The following TBC1D21 variants were observed in gnomAD, a reference collection of about 807,000 sequenced individuals.
The protein encoded by TBC1D21 is TBC1 domain family member 21, also known as male germ cell Rab GTPase-activating protein.
TBC1D21 carries 38 observed loss-of-function variants against 46.0 expected under a neutral mutation model. The observed-to-expected ratio is 0.83, with a 90% CI of 0.64 to 1.08. TBC1D21 has a LOEUF of 1.08. Among genes scored for constraint, TBC1D21 ranks in the 50% least tolerant of loss-of-function variants. The pLI, the probability that TBC1D21 is intolerant of heterozygous loss-of-function variation, is 0.00. For synonymous variants in TBC1D21, 151 were observed against 157.2 expected (o/e 0.96, Z 0.29); for missense variants, 415 against 417.9 (o/e 0.99, Z 0.06).
At chr15:73,873,855 G>T in intron 1 of TBC1D21, 86 bp downstream of exon 1, 1 of 1,467,398 alleles carries the variant, frequency 6.8e-7, no homozygotes, top group South Asian at 1.2e-5. Context: ...GGTAGGAAAA[G>T]CTAGAACCCT....
chr15:73,900,997 G>A, the TBC1D21 span, among the ~76,000 whole-genome samples: 2 of 152,176 alleles, frequency 1.3e-5, no homozygotes, highest in African/African-American at 4.8e-5. Context: ...CTTGCCCAGG[G>A]AGAGATGTGG....
chr15:73,877,545 A>C (rs1567063153), intron 1 of TBC1D21, among the ~76,000 whole-genome samples: 15 of 78,406 alleles, frequency 1.9e-4, no homozygotes, highest in Admixed American at 4.2e-4. Context: ...AAAAAAAAAA[A>C]AAAAAGAAAT....
In TBC1D21 at chr15:73,887,627, T is replaced by A. The variant is rs1366139637; in HGVS notation, c.785T>A (p.Leu262Gln). The A allele has an allele frequency of 6.2e-7, 1 of 1,614,006 alleles. No individual in the cohort carries two copies. Among genetic ancestry groups the A allele is most frequent in the South Asian group, 1.1e-5 (1 of 91,078 alleles). ...AGACGTCCTGACCCACAGGTTCTGC[T>A]GACGGGGAAGCCCTGCAGGAACTTC... ...DDVWRLWEVL[L>Q]TGKPCRNFQV... Residue 262 changes from leucine (L) to glutamine (Q), a missense_variant, in exon 9 of 11, where the codon CTG becomes CAG. Physicochemically the swap from Leu to Gln is moderately radical, Grantham distance 113. Transcript: ENST00000300504.
chr15:73,874,608 G>A (rs893477174), intron 1 of TBC1D21, among the ~76,000 whole-genome samples: 1 of 152,110 alleles, frequency 6.6e-6, no homozygotes, highest in Non-Finnish European at 1.5e-5. Flanking sequence ...GTTGTATTTC[G>A]ACCCAGACAG....
At chr15:73,905,317 C>G in the TBC1D21 span, among the ~76,000 whole-genome samples, 1 of 152,206 alleles carries the variant, frequency 6.6e-6, no homozygotes, top group African/African-American at 2.4e-5. Flanking sequence ...AATATTTAGA[C>G]AATTCAATTG....
chr15:73,908,743 C>G, the TBC1D21 span, among the ~76,000 whole-genome samples: 3 of 152,358 alleles, frequency 2.0e-5, no homozygotes, highest in South Asian at 4.1e-4. Context: ...TCTAGAGACC[C>G]TGTGGTGGCA....
chr15:73,887,525 T>C lies in TBC1D21; in HGVS notation c.778-95T>C, dbSNP rs923948161. The C allele has an allele frequency of 1.3e-5, 13 of 1,015,770 alleles. No individual in the cohort carries two copies. In the African/African-American group the frequency reaches 1.7e-4, roughly 14 times the overall value. 62.9% of individuals were successfully genotyped at this position (1,015,770 alleles called of 1,614,324 possible). A position where few individuals can be genotyped will look rare whatever the true frequency, so the allele number is the denominator to read the frequency against. ...GTCAGCAGCAAGGCCCAGGAATGGC[T>C]GACTCCAGGCACGTGGTTGGTGGGT... On this transcript the variant is annotated intron_variant, in intron 8 of 10. Transcript: ENST00000300504.
intron 8 of TBC1D21, 63 bp from the exon 9 acceptor site, chr15:73,887,557 C>T (rs551597870): frequency 1.3e-5 from 19 of 1,472,324 alleles, no homozygotes; most frequent in Admixed American, 3.4e-5. Context: ...GGGTACCTCA[C>T]CATCCTCAGG....
chr15:73,884,898 C>A lies in TBC1D21; in HGVS notation c.478+7C>A, dbSNP rs770297860. 3.1e-6 allele frequency: 5 copies of A among 1,613,368 alleles called. No homozygotes were observed. In the African/African-American group the frequency reaches 6.7e-5, roughly 22 times the overall value. On this transcript the variant is annotated splice_region_variant and intron_variant, in intron 5 of 10. Coordinates refer to ENST00000300504, the MANE Select transcript of TBC1D21 (RefSeq NM_153356.3). Reference sequence around the variant, plus strand: ...GTCTGCAACACGCAGGCAGGTGAGCCTCAGCCTCCCCTTGTCAATGCCCTC... The same window carrying A: ...GTCTGCAACACGCAGGCAGGTGAGCATCAGCCTCCCCTTGTCAATGCCCTC...
At chr15:73,889,031 A>T in intron 10 of TBC1D21, 38 bp from the exon 11 acceptor site, 1 of 1,611,882 alleles carries the variant, frequency 6.2e-7, no homozygotes, top group Non-Finnish European at 8.5e-7. Flanking sequence ...AAAGGGACAG[A>T]CCAATGTCTG....
the TBC1D21 span, among the ~76,000 whole-genome samples, chr15:73,907,174 T>G: frequency 1.3e-5 from 2 of 151,882 alleles, no homozygotes; most frequent in East Asian, 3.9e-4. Flanking sequence ...GTCTGAGCCC[T>G]CACTCCCCAC....
chr15:73,899,354 G>C, the TBC1D21 span, among the ~76,000 whole-genome samples: 1 of 152,158 alleles, frequency 6.6e-6, no homozygotes, highest in Admixed American at 6.5e-5. Context: ...TCCCTCTAGA[G>C]GACAGAAGAA....
chr15:73,889,787 C>T (rs1413970462), downstream of TBC1D21, among the ~76,000 whole-genome samples: 1 of 152,238 alleles, frequency 6.6e-6, no homozygotes, highest in Non-Finnish European at 1.5e-5. Flanking sequence ...CTTGAGAATG[C>T]ACTCTTTGCC....
intron 3 of TBC1D21, among the ~76,000 whole-genome samples, chr15:73,882,136 G>A (rs1249185048): frequency 2.6e-5 from 4 of 152,148 alleles, no homozygotes; most frequent in African/African-American, 4.8e-5. Flanking sequence ...GCTGCCTCCC[G>A]GGTCTAGTCT....
At position 73,888,949 on chromosome 15, in the gene TBC1D21, T is replaced by G. The variant is rs1392704147; in HGVS notation, c.979-120T>G. ...AGCAGGGCCCTCATCCCCCATTCCC[T>G]GTGTCCATCCCAGTGGGTCTGGGCA... On this transcript the variant is annotated intron_variant, in intron 10 of 10. Transcript: ENST00000300504. 4.0e-5 allele frequency: 48 copies of G among 1,188,154 alleles called. No individual in the cohort carries two copies. The Admixed American group carries it at 9.3e-4, about 23-fold the overall frequency. The allele number at this position is 1,188,154 out of a possible 1,614,324, so 73.6% of individuals were successfully genotyped here.
intron 9 of TBC1D21, 61 bp downstream of exon 9, chr15:73,887,797 AC>A: frequency 7.0e-7 from 1 of 1,430,918 alleles, no homozygotes; most frequent in Non-Finnish European, 9.8e-7. Context: ...ACCCCACCCC[AC>A]CCCAGCTGAA....
rs191109987 is a variant in TBC1D21 at position 73,886,260 on chromosome 15, G to C, written c.676+86G>C. On this transcript the variant is annotated intron_variant, in intron 7 of 10. Transcript: ENST00000300504. ...ACCCAACTGTCAGTCCCTAATCATGGGGGGGCTGGAGAGCAGCAGAATCAT... is the reference window on the plus strand; with the variant it reads ...ACCCAACTGTCAGTCCCTAATCATGCGGGGGCTGGAGAGCAGCAGAATCAT... 6.0e-4 allele frequency: 746 copies of C among 1,238,168 alleles called. 2 individuals are homozygous for C. The African/African-American group carries it at 9.2e-3, about 15-fold the overall frequency. 76.7% of individuals were successfully genotyped at this position (1,238,168 alleles called of 1,614,324 possible).
chr15:73,892,691 C>G (rs2068346580), downstream of TBC1D21, among the ~76,000 whole-genome samples: 2 of 152,248 alleles, frequency 1.3e-5, no homozygotes, highest in African/African-American at 4.8e-5. Context: ...CCATGTCTGG[C>G]TCTCCCTTGG....
chr15:73,890,002 C>G (rs1009654765), downstream of TBC1D21, among the ~76,000 whole-genome samples: 1 of 152,190 alleles, frequency 6.6e-6, no homozygotes, highest in African/African-American at 2.4e-5. Flanking sequence ...CAGCAACACA[C>G]ATACATACAC....
Sources: gnomAD v4.1 joint callset for allele counts (sites outside exome capture counted in the v4.1 genomes callset) on GRCh38, gnomAD v4.1.1 for gene constraint, MANE v1.5 for transcripts, NCBI Gene and HGNC (gene_info 2026-07-23, HGNC 2026-07-21) for gene names.